CNTLN: variants seen among roughly 807,000 people sequenced by gnomAD.
CNTLN encodes centlein, also known as centlein, centrosomal protein.
Under a neutral mutation model 180.0 loss-of-function variants are expected in CNTLN, and 212 were observed. That is an observed-to-expected ratio of 1.18 (90% CI 1.05 to 1.32). The LOEUF is 1.32. CNTLN is among the 40% of genes most tolerant of loss of function. The pLI is 0.00. For missense variants in CNTLN, 2,095 were observed against 1,610.9 expected, an observed-to-expected ratio of 1.30 and a Z score of -5.14; for synonymous variants, 722 against 563.1, an observed-to-expected ratio of 1.28 and a Z score of -3.99.
intron 8 of CNTLN, among the ~76,000 whole-genome samples, chr9:17,318,181 C>G (rs966934465): frequency 6.6e-6 from 1 of 151,918 alleles, no homozygotes; most frequent in Admixed American, 6.6e-5. Context: ...GCGCCCACCA[C>G]CACGCCCGGC....
intron 2 of CNTLN, among the ~76,000 whole-genome samples, chr9:17,187,420 G>T (rs1318057892): frequency 1.3e-5 from 2 of 152,038 alleles, no homozygotes; most frequent in East Asian, 1.9e-4. Flanking sequence ...TCAGAGGAGG[G>T]TTTAATTTTT....
intron 15 of CNTLN, among the ~76,000 whole-genome samples, chr9:17,400,730 CA>C (rs927948340): frequency 1.3e-4 from 20 of 152,082 alleles, no homozygotes; most frequent in African/African-American, 4.8e-4. Flanking sequence ...CTATCTGAAA[CA>C]CCCCTTACCC....
At chr9:17,267,421 TG>T (rs1454161966) in intron 5 of CNTLN, among the ~76,000 whole-genome samples, 1 of 152,224 alleles carries the variant, frequency 6.6e-6, no homozygotes, top group Non-Finnish European at 1.5e-5. Flanking sequence ...GTTCGTCTGA[TG>T]GGCTTCCCTT....
At chr9:17,206,970 A>G (rs1026723398) in intron 2 of CNTLN, among the ~76,000 whole-genome samples, 1 of 152,180 alleles carries the variant, frequency 6.6e-6, no homozygotes, top group Non-Finnish European at 1.5e-5. Context: ...CCAACACTTC[A>G]TGAGACCCCT....
intron 23 of CNTLN, among the ~76,000 whole-genome samples, chr9:17,469,378 T>C (rs1831930096): frequency 6.6e-6 from 1 of 151,766 alleles, no homozygotes; most frequent in Non-Finnish European, 1.5e-5. Context: ...CTGTATAACC[T>C]ATTTTTCAAA....
the CNTLN span, among the ~76,000 whole-genome samples, chr9:17,516,540 G>A: frequency 6.6e-6 from 1 of 152,122 alleles, no homozygotes; most frequent in African/African-American, 2.4e-5. Flanking sequence ...GGACAAAGGG[G>A]GAGTCTGACT....
chr9:17,253,759 T>TTG (rs1488862939), intron 5 of CNTLN, among the ~76,000 whole-genome samples: 1 of 110,302 alleles, frequency 9.1e-6, no homozygotes, highest in Non-Finnish European at 1.8e-5. Flanking sequence ...GTCTTTTCTA[T>TTG]TGTTTTTTTT....
intron 2 of CNTLN, among the ~76,000 whole-genome samples, chr9:17,151,707 G>A (rs199947089): frequency 2.6e-5 from 4 of 151,336 alleles, no homozygotes; most frequent in African/African-American, 9.7e-5. Context: ...CTCTTTTTCT[G>A]TTGTTTGGAA....
rs560570096 is a variant in CNTLN at position 17,190,205 on chromosome 9, T to G, written c.450-35998T>G. Among the ~76,000 whole-genome samples, 133 of 150,364 alleles carry G rather than the reference T, an allele frequency of 8.8e-4. 2 individuals are homozygous for G. Among genetic ancestry groups the G allele is most frequent in the South Asian group, 4.5e-3 (21 of 4,660 alleles). ...AACTTACTTCATTAGTTACCTTTCTTCAGGGATCACAGCCCTTTGTTTCCT... is the reference window on the plus strand; with the variant it reads ...AACTTACTTCATTAGTTACCTTTCTGCAGGGATCACAGCCCTTTGTTTCCT... On this transcript the variant is annotated intron_variant, in intron 2 of 25. Coordinates refer to ENST00000380647, the MANE Select transcript of CNTLN (RefSeq NM_017738.4).
chr9:17,395,874 A>G (rs561666397), intron 15 of CNTLN, among the ~76,000 whole-genome samples: 16 of 152,284 alleles, frequency 1.1e-4, no homozygotes, highest in African/African-American at 2.2e-4. Flanking sequence ...TGAGGCTGAA[A>G]CCTGCTGGGC....
At chr9:17,494,702 C>G (rs758900059) in intron 25 of CNTLN, among the ~76,000 whole-genome samples, 2 of 152,102 alleles carry the variant, frequency 1.3e-5, no homozygotes, top group Admixed American at 1.3e-4. Flanking sequence ...GACACTGTAA[C>G]CATCCTAAGG....
At chr9:17,299,012 G>GATTC (rs1337493644) in intron 7 of CNTLN, 3 of 823,192 alleles carry the variant, frequency 3.6e-6, no homozygotes, top group African/African-American at 1.9e-5. Context: ...GGGAGGCTGA[G>GATTC]GCGGGCGAAT....
intron 10 of CNTLN, among the ~76,000 whole-genome samples, chr9:17,335,117 T>G (rs1820917483): frequency 6.6e-6 from 1 of 152,176 alleles, no homozygotes; most frequent in Non-Finnish European, 1.5e-5. Flanking sequence ...CAGCTTTTAT[T>G]CTATTGAGGT....
chr9:17,333,351 A>G (rs980526397), intron 10 of CNTLN, among the ~76,000 whole-genome samples: 1 of 151,864 alleles, frequency 6.6e-6, no homozygotes, highest in Admixed American at 6.6e-5. Flanking sequence ...TACATATTGA[A>G]CCCATTTTGT....
chr9:17,514,996 T>C, the CNTLN span, among the ~76,000 whole-genome samples: 1 of 152,242 alleles, frequency 6.6e-6, no homozygotes, highest in Non-Finnish European at 1.5e-5. Flanking sequence ...AGGGCTACCA[T>C]GTAGCCCTGG....
At chr9:17,481,459 G>A (rs1832641919) in intron 23 of CNTLN, among the ~76,000 whole-genome samples, 2 of 152,128 alleles carry the variant, frequency 1.3e-5, no homozygotes, top group South Asian at 4.1e-4. Context: ...CCTGACCTGG[G>A]AGTCCTGTAA....
intron 2 of CNTLN, among the ~76,000 whole-genome samples, chr9:17,152,063 T>G (rs371124739): frequency 6.6e-6 from 1 of 152,210 alleles, no homozygotes; most frequent in African/African-American, 2.4e-5. Context: ...TCTCCTTTAT[T>G]AGTCTGGCTA....
intron 2 of CNTLN, among the ~76,000 whole-genome samples, chr9:17,214,142 C>T (rs1291426348): frequency 6.6e-6 from 1 of 152,154 alleles, no homozygotes; most frequent in Non-Finnish European, 1.5e-5. Context: ...GCAGTTTCTT[C>T]CTAGCCTCGA....
chr9:17,236,291 A>C, intron 4 of CNTLN, 118 bp from the exon 5 acceptor site: 6 of 768,446 alleles, frequency 7.8e-6, no homozygotes, highest in Non-Finnish European at 1.2e-5. Context: ...CAAATATAGA[A>C]GAAGCTTCTG....
Sources: allele counts gnomAD v4.1 joint callset (sites outside exome capture counted in the v4.1 genomes callset), GRCh38; gene constraint gnomAD v4.1.1; transcripts MANE v1.5; gene names NCBI Gene and HGNC (gene_info 2026-07-23, HGNC 2026-07-21).